Variants in PTPRK observed in about 807,000 individuals in gnomAD.
PTPRK encodes the protein protein tyrosine phosphatase receptor type K.
In PTPRK, 75 loss-of-function variants were observed where a neutral mutation model predicts 178.0. The observed-to-expected ratio is 0.42, with a 90% CI of 0.35 to 0.51. The LOEUF is 0.51. Among genes scored for constraint, PTPRK ranks in the 20% least tolerant of loss-of-function variants. The probability of loss-of-function intolerance (pLI) is 0.02; values close to 1 mark genes in which losing one functional copy is unlikely to be tolerated. For synonymous variants in PTPRK, 637 were observed against 620.6 expected, an observed-to-expected ratio of 1.03 and a Z score of -0.39; for missense variants, 1,441 against 1,797.8, an observed-to-expected ratio of 0.80 and a Z score of 3.59.
intron 1 of PTPRK, among the ~76,000 whole-genome samples, chr6:128,456,189 G>A (rs1295124427): frequency 4.6e-5 from 7 of 151,916 alleles, no homozygotes; most frequent in Non-Finnish European, 1.0e-4. Flanking sequence ...CTCTTGTTAT[G>A]AGATCATAAC....
chr6:128,022,768 C>T (rs1773722511), intron 13 of PTPRK, among the ~76,000 whole-genome samples: 1 of 152,188 alleles, frequency 6.6e-6, no homozygotes, highest in Non-Finnish European at 1.5e-5. Context: ...TTTGCTCTTT[C>T]CATGGATATC....
chr6:128,421,433 A>T (rs1382963809), intron 1 of PTPRK, among the ~76,000 whole-genome samples: 1 of 152,202 alleles, frequency 6.6e-6, no homozygotes, highest in Non-Finnish European at 1.5e-5. Context: ...AGTGAGAATA[A>T]GAGAATGGGG....
chr6:128,041,505 CT>C (rs1240515333), intron 13 of PTPRK, among the ~76,000 whole-genome samples: 1 of 151,978 alleles, frequency 6.6e-6, no homozygotes, highest in African/African-American at 2.4e-5. Context: ...GATTTTAATA[CT>C]TTTTCCCTGC....
At chr6:128,364,394 G>A (rs1835194966) in intron 2 of PTPRK, among the ~76,000 whole-genome samples, 1 of 152,018 alleles carries the variant, frequency 6.6e-6, no homozygotes, top group Middle Eastern at 3.2e-3. Flanking sequence ...TTGCCAGTTA[G>A]TTACAGAAGT....
chr6:128,287,538 A>G (rs1398180303), intron 3 of PTPRK, among the ~76,000 whole-genome samples: 1 of 152,172 alleles, frequency 6.6e-6, no homozygotes, highest in Non-Finnish European at 1.5e-5. Flanking sequence ...TCAACCTCAC[A>G]GTTGATCATC....
intron 2 of PTPRK, among the ~76,000 whole-genome samples, chr6:128,387,979 T>C (rs1839005286): frequency 6.6e-6 from 1 of 151,924 alleles, no homozygotes; most frequent in African/African-American, 2.4e-5. Flanking sequence ...AATCTCATAA[T>C]CTTTGAAGAA....
chr6:128,181,395 T>C (rs1490490786), intron 7 of PTPRK, among the ~76,000 whole-genome samples: 1 of 152,102 alleles, frequency 6.6e-6, no homozygotes, highest in Non-Finnish European at 1.5e-5. Flanking sequence ...ATAGCTACTT[T>C]AAAATTATCA....
chr6:128,022,034 C>T (rs1773590344), intron 13 of PTPRK, among the ~76,000 whole-genome samples: 1 of 152,106 alleles, frequency 6.6e-6, no homozygotes, highest in Non-Finnish European at 1.5e-5. Context: ...CAAAGAGTAA[C>T]AATTCAGGAA....
chr6:128,365,321 A>G (rs1835335585), intron 2 of PTPRK, among the ~76,000 whole-genome samples: 2 of 152,104 alleles, frequency 1.3e-5, no homozygotes, highest in Admixed American at 1.3e-4. Context: ...TCATTTGGTC[A>G]GTTTAAAAGT....
intron 13 of PTPRK, among the ~76,000 whole-genome samples, chr6:128,049,358 A>G (rs1383243273): frequency 6.6e-6 from 1 of 152,134 alleles, no homozygotes; most frequent in African/African-American, 2.4e-5. Context: ...GCAATTTCCC[A>G]TACCATTGGT....
intron 6 of PTPRK, among the ~76,000 whole-genome samples, chr6:128,214,466 C>T (rs1808846235): frequency 1.3e-5 from 2 of 152,128 alleles, no homozygotes. Context: ...TTCTGAGTAA[C>T]ACTGTTTACG....
At chr6:128,042,467 G>A (rs182935396) in intron 13 of PTPRK, among the ~76,000 whole-genome samples, 10 of 151,924 alleles carry the variant, frequency 6.6e-5, no homozygotes, top group African/African-American at 2.4e-4. Context: ...AGTTTCTAGA[G>A]GCTGCCTGAA....
intron 13 of PTPRK, among the ~76,000 whole-genome samples, chr6:128,042,514 G>A (rs954831481): frequency 6.6e-6 from 1 of 151,922 alleles, no homozygotes; most frequent in Non-Finnish European, 1.5e-5. Flanking sequence ...TTCAAAGCAG[G>A]CCATTCCCAC....
intron 7 of PTPRK, among the ~76,000 whole-genome samples, chr6:128,094,926 G>A (rs914822471): frequency 6.6e-6 from 1 of 152,106 alleles, no homozygotes; most frequent in Non-Finnish European, 1.5e-5. Context: ...GAGAGAGAGG[G>A]AGAAAGAGGG....
At chr6:128,169,019 T>C (rs530847193) in intron 7 of PTPRK, among the ~76,000 whole-genome samples, 1 of 152,154 alleles carries the variant, frequency 6.6e-6, no homozygotes, top group South Asian at 2.1e-4. Flanking sequence ...GTGGAATCTT[T>C]TTTTCTTGAA....
At chr6:127,995,583 T>C in intron 17 of PTPRK, 45 bp from the exon 18 acceptor site, 1 of 1,229,502 alleles carries the variant, frequency 8.1e-7, no homozygotes, top group Non-Finnish European at 1.1e-6. Flanking sequence ...ATTTTCCCCC[T>C]GTTCTGAGAC....
At chr6:128,041,835 A>G (rs975400307) in intron 13 of PTPRK, among the ~76,000 whole-genome samples, 3 of 141,222 alleles carry the variant, frequency 2.1e-5, no homozygotes, top group African/African-American at 8.8e-5. Context: ...TATATGTAAT[A>G]CACATTTGTG....
intron 1 of PTPRK, among the ~76,000 whole-genome samples, chr6:128,408,200 C>A (rs1180232483): frequency 1.3e-5 from 2 of 152,238 alleles, no homozygotes; most frequent in Admixed American, 6.5e-5. Context: ...CCAGCCTGGC[C>A]AACATGGTGA....
At chr6:128,075,199 G>C (rs1009009736) in intron 11 of PTPRK, among the ~76,000 whole-genome samples, 2 of 151,900 alleles carry the variant, frequency 1.3e-5, no homozygotes, top group African/African-American at 4.8e-5. Flanking sequence ...TGGCCCATTA[G>C]CACTTCTCAC....
Sources: allele counts gnomAD v4.1 joint callset (sites outside exome capture counted in the v4.1 genomes callset), GRCh38; gene constraint gnomAD v4.1.1; transcripts MANE v1.5; gene names NCBI Gene and HGNC (gene_info 2026-07-23, HGNC 2026-07-21).